Variants in CLCA4 observed in about 807,000 individuals in gnomAD.
CLCA4 encodes calcium-activated chloride channel regulator 4.
A neutral mutation model predicts 78.9 loss-of-function variants in CLCA4; 69 were observed. That is an observed-to-expected ratio of 0.87 (90% confidence interval 0.72 to 1.07). CLCA4 has a LOEUF of 1.07. Ranked by LOEUF, CLCA4 falls within the 50% of genes least tolerant of loss-of-function variation. The probability of loss-of-function intolerance (pLI) is 0.00; values close to 1 mark genes in which losing one functional copy is unlikely to be tolerated. For synonymous variants in CLCA4, 362 were observed against 375.8 expected, an observed-to-expected ratio of 0.96 and a Z score of 0.42; for missense variants, 1,133 against 1,095.8, an observed-to-expected ratio of 1.03 and a Z score of -0.48.
At position 86,579,484 on chromosome 1, in the gene CLCA4, C is replaced by T; in HGVS notation, c.2253C>T (p.Asp751=). The T allele has an allele frequency of 6.2e-7, 1 of 1,613,258 alleles. No individual in the cohort carries two copies. Among genetic ancestry groups the T allele is most frequent in the Non-Finnish European group, 8.5e-7 (1 of 1,179,478 alleles). Residue 751 remains aspartate (D), a synonymous_variant, in exon 13 of 14, where the codon GAC becomes GAT. Coordinates refer to ENST00000370563, the MANE Select transcript of CLCA4 (RefSeq NM_012128.4). Reference sequence around the variant, plus strand: ...AAGTCCCAAGCCTTCCCTTGCCTGACCAATACCCACCAAGTCAAATCACAG... The same window carrying T: ...AAGTCCCAAGCCTTCCCTTGCCTGATCAATACCCACCAAGTCAAATCACAG... ...VSQVPSLPLP[D]QYPPSQITDL...
chr1:86,564,852 G>T (rs1026721858), intron 4 of CLCA4, among the ~76,000 whole-genome samples: 4 of 152,060 alleles, frequency 2.6e-5, no homozygotes, highest in Non-Finnish European at 5.9e-5. Context: ...TCTATCCCAT[G>T]TACTATTTTT....
chr1:86,553,256 C>G (rs1292367316), intron 1 of CLCA4: 7 of 904,380 alleles, frequency 7.7e-6, no homozygotes, highest in Non-Finnish European at 9.0e-6. Context: ...GCAAGCTGTA[C>G]GAGGACACGG....
intron 7 of CLCA4, 91 bp from the exon 8 acceptor site, chr1:86,570,986 T>G (rs2101811956): frequency 1.1e-6 from 1 of 916,932 alleles, no homozygotes; most frequent in Non-Finnish European, 1.7e-6. Flanking sequence ...ATAACTTTGT[T>G]TATTTTCTCT....
intron 7 of CLCA4, 29 bp downstream of exon 7, chr1:86,567,680 G>C: frequency 6.3e-7 from 1 of 1,580,196 alleles, no homozygotes; most frequent in South Asian, 1.1e-5. Flanking sequence ...ATATATTTTG[G>C]TTTTTGTTTC....
chr1:86,558,432 T>C (rs1237957573), intron 1 of CLCA4, among the ~76,000 whole-genome samples: 1 of 152,154 alleles, frequency 6.6e-6, no homozygotes, highest in Non-Finnish European at 1.5e-5. Context: ...GGAAACTTAG[T>C]TTGGCTGGAT....
chr1:86,565,878 G>T lies in CLCA4; in HGVS notation c.812G>T (p.Ser271Ile). 1 of 1,611,152 alleles carries T rather than the reference G, an allele frequency of 6.2e-7. No individual in the cohort carries two copies. Among genetic ancestry groups the T allele is most frequent in the Non-Finnish European group, 8.5e-7 (1 of 1,178,058 alleles). ...CAAAACATAAAGTGCAATTTTAGAA[G>T]TACATGGGAGGTGATTAGCAATTCT... Reference protein sequence around the residue: ...SLQNIKCNFRSTWEVISNSED... With the variant: ...SLQNIKCNFRITWEVISNSED... Residue 271 changes from serine to isoleucine, a missense_variant, in exon 6 of 14, where the codon AGT becomes ATT. Transcript: ENST00000370563.
chr1:86,565,376 A>G lies in CLCA4; in HGVS notation c.660A>G (p.Gly220=). ...TTGATTCTACAACAAAACTGTATGG[A>G]AAAGATTGTCAATTCTTTCCTGATA... ...CRIDSTTKLY[G]KDCQFFPDKV... Residue 220 remains glycine (G), a synonymous_variant, in exon 5 of 14, where the codon GGA becomes GGG. Coordinates refer to ENST00000370563, the MANE Select transcript of CLCA4 (RefSeq NM_012128.4). The G allele has an allele frequency of 6.2e-7, 1 of 1,608,920 alleles. No homozygotes were observed. Among genetic ancestry groups the G allele is most frequent in the Non-Finnish European group, 8.5e-7 (1 of 1,176,062 alleles).
intron 1 of CLCA4, among the ~76,000 whole-genome samples, chr1:86,549,649 T>C (rs1268651141): frequency 1.3e-5 from 2 of 152,104 alleles, no homozygotes; most frequent in African/African-American, 2.4e-5. Context: ...TAAAGTGATA[T>C]GGTGGTTAAG....
chr1:86,556,730 C>T (rs1037068901), intron 1 of CLCA4, among the ~76,000 whole-genome samples: 2 of 152,104 alleles, frequency 1.3e-5, no homozygotes, highest in African/African-American at 4.8e-5. Context: ...CCTCCCTCCT[C>T]AAATTTTTGG....
chr1:86,559,763 T>C (rs750231501), intron 1 of CLCA4, among the ~76,000 whole-genome samples, 169 bp from the exon 2 acceptor site: 7 of 152,240 alleles, frequency 4.6e-5, no homozygotes, highest in African/African-American at 1.7e-4. Context: ...GAATAAGTGA[T>C]GGTTTGGGGT....
chr1:86,580,336 C>T lies in CLCA4; in HGVS notation c.2751C>T (p.Thr917=), dbSNP rs1205145962. 1 of 1,583,874 alleles carries T rather than the reference C, an allele frequency of 6.3e-7. No homozygotes were observed. Among genetic ancestry groups the T allele is most frequent in the Middle Eastern group, 1.7e-4 (1 of 5,936 alleles). The change falls in exon 14 of 14, where the codon ACC becomes ACT. Residue 917 remains threonine, a synonymous_variant. Coordinates refer to ENST00000370563, the MANE Select transcript of CLCA4 (RefSeq NM_012128.4). The stretch of plus-strand genomic sequence containing the variant: ...TAATTGTTAACTTTATTTTAAGTAC[C>T]ACCATTTGAACCTTAACGAAGAAAA... ...SVVIVNFILS[T]TI
Position 86,559,208 on chromosome 1 carries a change from A to G in CLCA4, c.160-724A>G, listed in dbSNP as rs113421678. On this transcript the variant is annotated intron_variant, in intron 1 of 13. Transcript: ENST00000370563. Reference sequence around the variant, plus strand: ...TATTTGTCCTTGTATGTGAGTTTATAGTTCTGAATATAAGGTGATATTATT... The same window carrying G: ...TATTTGTCCTTGTATGTGAGTTTATGGTTCTGAATATAAGGTGATATTATT... Among the ~76,000 whole-genome samples the G allele has an allele frequency of 3.6e-3, 543 of 152,234 alleles. 4 individuals carry two copies. The highest frequency in any genetic ancestry group is 0.013 in the African/African-American group (521 of 41,538).
intron 8 of CLCA4, among the ~76,000 whole-genome samples, chr1:86,572,239 A>T (rs745411908): frequency 1.3e-5 from 2 of 151,842 alleles, no homozygotes; most frequent in Admixed American, 1.3e-4. Context: ...ATCTTTTAAC[A>T]AAAGATTTCA....
chr1:86,571,551 A>G, intron 8 of CLCA4: 1 of 218,586 alleles, frequency 4.6e-6, no homozygotes, highest in Non-Finnish European at 9.0e-6. Context: ...CAGGGAAAGG[A>G]AGCATGCAAA....
rs377045243 is a variant in CLCA4 at position 86,555,828 on chromosome 1, G to A, written c.160-4104G>A. On this transcript the variant is annotated intron_variant, in intron 1 of 13. Transcript: ENST00000370563. ...AGTGATATTGATTCTTCCTATCGATGAGCATGGGATGTTTTCCATTAGTTT... is the reference window on the plus strand; with the variant it reads ...AGTGATATTGATTCTTCCTATCGATAAGCATGGGATGTTTTCCATTAGTTT... Among the ~76,000 whole-genome samples, 40 of 152,322 alleles carry A rather than the reference G, an allele frequency of 2.6e-4. 1 individual carries two copies. The highest frequency in any genetic ancestry group is 2.5e-3 in the East Asian group (13 of 5,192).
intron 1 of CLCA4, chr1:86,552,651 C>A: frequency 2.5e-6 from 2 of 791,484 alleles, no homozygotes; most frequent in East Asian, 2.5e-5. Flanking sequence ...ACCATGTGGT[C>A]CAGCTCGCCC....
At chr1:86,550,987 A>G (rs897359069) in intron 1 of CLCA4, among the ~76,000 whole-genome samples, 17 of 151,346 alleles carry the variant, frequency 1.1e-4, no homozygotes, top group Admixed American at 7.9e-4. Context: ...GCCTGCCACC[A>G]CGCCCCGCTA....
intron 3 of CLCA4, among the ~76,000 whole-genome samples, chr1:86,562,278 C>A (rs1358162350): frequency 6.6e-6 from 1 of 152,216 alleles, no homozygotes; most frequent in Non-Finnish European, 1.5e-5. Flanking sequence ...TTTTTCTTAA[C>A]ACGCACCAAA....
chr1:86,548,115 G>C (rs1171926406), intron 1 of CLCA4, among the ~76,000 whole-genome samples: 2 of 151,832 alleles, frequency 1.3e-5, no homozygotes, highest in African/African-American at 4.8e-5. Flanking sequence ...CACTTTTTTT[G>C]TCTTTTTGGT....
Sources: allele counts gnomAD v4.1 joint callset (sites outside exome capture counted in the v4.1 genomes callset), GRCh38; gene constraint gnomAD v4.1.1; transcripts MANE v1.5; gene names NCBI Gene and HGNC (gene_info 2026-07-23, HGNC 2026-07-21).